CYRIA: variants seen among roughly 807,000 people sequenced by gnomAD.
CYRIA encodes the protein CYFIP-related Rac1 interactor A.
Under a neutral mutation model 43.9 loss-of-function variants are expected in CYRIA, and 15 were observed. The observed-to-expected ratio is 0.34, with a 90% CI of 0.23 to 0.53. The LOEUF is 0.53. Ranked by LOEUF, CYRIA falls within the 20% of genes least tolerant of loss-of-function variation. The pLI, the probability that CYRIA is intolerant of heterozygous loss-of-function variation, is 0.94. For synonymous variants in CYRIA, 117 were observed against 136.0 expected (o/e 0.86, Z 0.97); for missense variants, 236 against 394.2 (o/e 0.60, Z 3.40).
chr2:16,628,425 T>C (rs1669229184), intron 1 of CYRIA, among the ~76,000 whole-genome samples: 1 of 152,212 alleles, frequency 6.6e-6, no homozygotes, highest in South Asian at 2.1e-4. Flanking sequence ...GTTAAGTGAC[T>C]TACCCACAAC....
chr2:16,643,677 A>G (rs1669740897), intron 1 of CYRIA, among the ~76,000 whole-genome samples: 1 of 152,186 alleles, frequency 6.6e-6, no homozygotes, highest in Non-Finnish European at 1.5e-5. Context: ...GCCCACAATC[A>G]GACACTCTGC....
chr2:16,577,568 A>T (rs1044670870), intron 3 of CYRIA, among the ~76,000 whole-genome samples: 145 of 152,326 alleles, frequency 9.5e-4, no homozygotes, highest in African/African-American at 3.3e-3. Context: ...GGTGATTTCA[A>T]GTTTGACAGA....
At chr2:16,639,517 C>T (rs1286340910) in intron 1 of CYRIA, among the ~76,000 whole-genome samples, 2 of 152,246 alleles carry the variant, frequency 1.3e-5, no homozygotes, top group African/African-American at 4.8e-5. Flanking sequence ...GTGGAAGCAG[C>T]CTGCTGCCTA....
chr2:16,551,099 G>C lies in CYRIA; in HGVS notation c.*1837C>G, dbSNP rs1175855585. 1 of 152,138 alleles carries C rather than the reference G, an allele frequency of 6.6e-6. No homozygotes were observed. Among genetic ancestry groups the C allele is most frequent in the Non-Finnish European group, 1.5e-5 (1 of 68,018 alleles). The allele number at this position is 152,138 out of a possible 1,614,324, so 9.4% of individuals were successfully genotyped here. On this transcript the variant is annotated 3_prime_UTR_variant, in exon 12 of 12. Transcript: ENST00000381323. ...TCAACTTGAAAATCTCCAAGGAAAA[G>C]AGCCTTTTCCTTCTGTTGACTAATG... is the stretch of plus-strand genomic sequence containing the variant.
At chr2:16,555,262 A>G in intron 10 of CYRIA, 123 bp from the exon 11 acceptor site, 1 of 926,530 alleles carries the variant, frequency 1.1e-6, no homozygotes, top group Admixed American at 2.1e-5. Flanking sequence ...CAACGCAGAA[A>G]TGACCAACAG....
intron 2 of CYRIA, among the ~76,000 whole-genome samples, chr2:16,611,098 G>A (rs1343765989): frequency 2.6e-5 from 4 of 151,678 alleles, no homozygotes; most frequent in Non-Finnish European, 5.9e-5. Flanking sequence ...CGTGGCTCAC[G>A]CCTGTAATCC....
intron 5 of CYRIA, among the ~76,000 whole-genome samples, chr2:16,563,070 C>G (rs542018557): frequency 2.6e-5 from 4 of 152,160 alleles, no homozygotes. Flanking sequence ...AGAACACACT[C>G]TCTTTTGAGG....
chr2:16,580,048 A>C (rs1287295510), intron 3 of CYRIA, among the ~76,000 whole-genome samples: 1 of 151,902 alleles, frequency 6.6e-6, no homozygotes, highest in Non-Finnish European at 1.5e-5. Flanking sequence ...CCTGGCCTCG[A>C]GCAATCCTCC....
At chr2:16,605,501 G>C (rs1452678974) in intron 2 of CYRIA, among the ~76,000 whole-genome samples, 1 of 152,188 alleles carries the variant, frequency 6.6e-6, no homozygotes, top group East Asian at 1.9e-4. Flanking sequence ...ACCTAGGCAG[G>C]TGGACACTCT....
intron 1 of CYRIA, among the ~76,000 whole-genome samples, chr2:16,652,453 T>C (rs1412163521): frequency 6.6e-6 from 1 of 152,194 alleles, no homozygotes; most frequent in Non-Finnish European, 1.5e-5. Flanking sequence ...CCGTATACCC[T>C]ATTATATTTG....
chr2:16,586,032 T>C (rs1299968597), intron 3 of CYRIA, among the ~76,000 whole-genome samples: 1 of 152,108 alleles, frequency 6.6e-6, no homozygotes, highest in Non-Finnish European at 1.5e-5. Flanking sequence ...TCTGGAAGCA[T>C]GGAAATCTGA....
At chr2:16,553,485 A>G (rs1004509648) in intron 11 of CYRIA, among the ~76,000 whole-genome samples, 4 of 152,170 alleles carry the variant, frequency 2.6e-5, no homozygotes, top group Middle Eastern at 3.2e-3. Context: ...GCAGCCTCCC[A>G]ATAGCCGGGT....
intron 2 of CYRIA, among the ~76,000 whole-genome samples, chr2:16,607,157 G>A (rs920242504): frequency 2.0e-5 from 3 of 152,106 alleles, no homozygotes; most frequent in Non-Finnish European, 2.9e-5. Context: ...TTGTTTCAAC[G>A]TACTCATCAT....
intron 4 of CYRIA, among the ~76,000 whole-genome samples, chr2:16,564,706 A>G (rs1031326229): frequency 6.6e-6 from 1 of 152,060 alleles, no homozygotes; most frequent in African/African-American, 2.4e-5. Context: ...TGGCATGCGT[A>G]TATGTATGTG....
chr2:16,613,134 G>A (rs1231032866), intron 2 of CYRIA, among the ~76,000 whole-genome samples: 6 of 152,180 alleles, frequency 3.9e-5, no homozygotes, highest in Middle Eastern at 3.2e-3. Context: ...TTCTAGCAGC[G>A]TGAGAATGAA....
chr2:16,633,576 T>TTTG (rs1669401541), intron 1 of CYRIA, among the ~76,000 whole-genome samples: 4 of 77,952 alleles, frequency 5.1e-5, no homozygotes, highest in South Asian at 8.7e-4. Flanking sequence ...TTTTTTTCTG[T>TTTG]AGAGAAGGGG....
chr2:16,644,553 G>A (rs763135598), intron 1 of CYRIA, among the ~76,000 whole-genome samples: 1 of 152,178 alleles, frequency 6.6e-6, no homozygotes, highest in Non-Finnish European at 1.5e-5. Context: ...CTTAACTACT[G>A]TTGTCTGTCA....
At chr2:16,660,322 C>A (rs550798133) in intron 1 of CYRIA, among the ~76,000 whole-genome samples, 3 of 152,300 alleles carry the variant, frequency 2.0e-5, no homozygotes, top group South Asian at 2.1e-4. Flanking sequence ...AGGTGGGCAG[C>A]CTTCCAGGAC....
intron 1 of CYRIA, among the ~76,000 whole-genome samples, chr2:16,633,351 T>G (rs1669385080): frequency 6.6e-6 from 1 of 152,112 alleles, no homozygotes; most frequent in Non-Finnish European, 1.5e-5. Flanking sequence ...TGAACTCTCA[T>G]AGAACTTTCT....
Sources: allele counts gnomAD v4.1 joint callset (sites outside exome capture counted in the v4.1 genomes callset), GRCh38; gene constraint gnomAD v4.1.1; transcripts MANE v1.5; gene names NCBI Gene and HGNC (gene_info 2026-07-23, HGNC 2026-07-21).